CC2D1A: variants seen among roughly 807,000 people sequenced by gnomAD.
CC2D1A encodes coiled-coil and C2 domain-containing protein 1A.
In CC2D1A, 68 loss-of-function variants were observed where a neutral mutation model predicts 123.8. The observed-to-expected ratio is 0.55, with a 90% CI of 0.45 to 0.67. The LOEUF is 0.67. Among genes scored for constraint, CC2D1A ranks in the 30% least tolerant of loss-of-function variants. CC2D1A has a pLI of 0.00. For synonymous variants in CC2D1A, 477 were observed against 528.0 expected (o/e 0.90, Z 1.32); for missense variants, 1,185 against 1,290.3 (o/e 0.92, Z 1.25).
chr19:13,915,899 A>G (rs188727990), intron 6 of CC2D1A, among the ~76,000 whole-genome samples: 7 of 152,292 alleles, frequency 4.6e-5, no homozygotes, highest in Admixed American at 1.3e-4. Flanking sequence ...CCCAGCTCCA[A>G]TTATGTCAGC....
chr19:13,921,677 C>T (rs1409612518), intron 14 of CC2D1A, among the ~76,000 whole-genome samples: 1 of 152,156 alleles, frequency 6.6e-6, no homozygotes, highest in African/African-American at 2.4e-5. Flanking sequence ...TACATTTAGC[C>T]TCAGAGGAGC....
chr19:13,924,321 C>T (rs1378658562), intron 17 of CC2D1A, among the ~76,000 whole-genome samples: 4 of 152,082 alleles, frequency 2.6e-5, no homozygotes, highest in African/African-American at 7.2e-5. Flanking sequence ...CAGCCGCCCA[C>T]CACCACGCCT....
At position 13,923,168 on chromosome 19, in the gene CC2D1A, G is replaced by A. The variant is rs1353257130; in HGVS notation, c.1642-165G>A. ...AGATCCCGCCATTGCACTCCAGCCTGGGCAACAGAGCGAGACTCCATCTCA... is the reference window on the plus strand; with the variant it reads ...AGATCCCGCCATTGCACTCCAGCCTAGGCAACAGAGCGAGACTCCATCTCA... On this transcript the variant is annotated intron_variant, in intron 14 of 28. Coordinates refer to ENST00000318003, the MANE Select transcript of CC2D1A (RefSeq NM_017721.5). The surrounding 1 kb of genome is among the most constrained non-coding windows in gnomAD (Gnocchi z 5.3). 2.6e-5 allele frequency among the ~76,000 whole-genome samples: 4 copies of A among 151,916 alleles called. No individual in the cohort carries two copies. The highest frequency in any genetic ancestry group is 2.6e-4 in the Admixed American group (4 of 15,238).
At position 13,906,543 on chromosome 19, in the gene CC2D1A, AC is replaced by A; in HGVS notation, c.60+47del. 3 of 1,328,336 alleles carry A rather than the reference AC, an allele frequency of 2.3e-6. No individual in the cohort carries two copies. Among genetic ancestry groups the A allele is most frequent in the Non-Finnish European group, 2.0e-6 (2 of 1,012,380 alleles). 82.3% of individuals were successfully genotyped at this position (1,328,336 alleles called of 1,614,324 possible). Reference sequence around the variant, plus strand: ...CGGCCCGACCTGGGGATCCCTCCCCACCCCCGTCACTCGCTCAGGGAAGGGC... The same window carrying A: ...CGGCCCGACCTGGGGATCCCTCCCCACCCCGTCACTCGCTCAGGGAAGGGC... On this transcript the variant is annotated intron_variant, in intron 1 of 28. Transcript: ENST00000318003. This position sits in a 1 kb window ranked among gnomAD's most constrained non-coding sequence, Gnocchi z 4.1.
chr19:13,919,623 A>T (rs572911092), intron 11 of CC2D1A, 195 bp from the exon 12 acceptor site: 1 of 445,266 alleles, frequency 2.2e-6, no homozygotes, highest in Admixed American at 4.1e-5. Context: ...CTGCAGTCCC[A>T]CTCTAGATCA....
chr19:13,927,737 G>T (rs1971695158), intron 22 of CC2D1A, 156 bp from the exon 23 acceptor site: 1 of 756,388 alleles, frequency 1.3e-6, no homozygotes, highest in South Asian at 1.8e-5. Context: ...AGCCCAGATT[G>T]CACCACTGCA....
chr19:13,913,174 C>T lies in CC2D1A; in HGVS notation c.385C>T (p.Pro129Ser), dbSNP rs1451278628. 4 of 1,609,250 alleles carry T rather than the reference C, an allele frequency of 2.5e-6. No homozygotes were observed. The highest frequency in any genetic ancestry group is 1.7e-5 in the Admixed American group (1 of 59,108). Residue 129 changes from proline to serine, a missense_variant, in exon 5 of 29, where the codon CCT (proline) becomes TCT (serine). Pro to Ser is a moderately conservative substitution (Grantham distance 74, BLOSUM62 -1). Coordinates refer to ENST00000318003, the MANE Select transcript of CC2D1A (RefSeq NM_017721.5). ...ETPPPVAQPK[P>S]EAPHPGLETT... ...TGCCCCTGCCCTCCCACAGCCGAAG[C>T]CTGAGGCCCCTCATCCGGGGCTGGA...
intron 1 of CC2D1A, 190 bp from the exon 2 acceptor site, chr19:13,909,633 G>A (rs1970921681): frequency 5.5e-6 from 4 of 731,318 alleles, no homozygotes; most frequent in East Asian, 2.7e-5. Flanking sequence ...AGGTTGAACT[G>A]TGCCAGAGGG....
At position 13,918,768 on chromosome 19, in the gene CC2D1A, G is replaced by A. The variant is rs1038583292; in HGVS notation, c.969G>A (p.Pro323=). The change falls in exon 9 of 29, where the codon CCG becomes CCA. Residue 323 remains proline (P), a synonymous_variant. Coordinates refer to ENST00000318003, the MANE Select transcript of CC2D1A (RefSeq NM_017721.5). ...CAGACCAGCTGCCCCCAGACCCACCGTCACCACCGTCGCAGCCTCCGACCC... is the reference window on the plus strand; with the variant it reads ...CAGACCAGCTGCCCCCAGACCCACCATCACCACCGTCGCAGCCTCCGACCC... ...PPPDQLPPDP[P]SPPSQPPTPA... is the part of the protein sequence containing the mutation. The A allele has an allele frequency of 8.1e-6, 13 of 1,612,912 alleles. No homozygotes were observed. Among genetic ancestry groups the A allele is most frequent in the Non-Finnish European group, 1.0e-5 (12 of 1,179,570 alleles).
intron 1 of CC2D1A, among the ~76,000 whole-genome samples, chr19:13,908,866 C>T (rs1970890134): frequency 6.6e-6 from 1 of 151,908 alleles, no homozygotes; most frequent in Non-Finnish European, 1.5e-5. Context: ...TCCCTCGCTT[C>T]CTTCTTTTTT....
chr19:13,929,117 C>T lies in CC2D1A; in HGVS notation c.2520-262C>T, dbSNP rs190527174. ...CTCCCAGGTTCAAGCAATTCTTCTG[C>T]CTCAGCCTCCCAAGTAGCTGGGACT... On this transcript the variant is annotated intron_variant, in intron 24 of 28. Coordinates refer to ENST00000318003, the MANE Select transcript of CC2D1A (RefSeq NM_017721.5). Among the ~76,000 whole-genome samples, 981 of 151,794 alleles carry T rather than the reference C, an allele frequency of 6.5e-3. 10 individuals carry two copies. The highest frequency in any genetic ancestry group is 0.023 in the African/African-American group (933 of 41,350).
chr19:13,913,109 G>T, intron 4 of CC2D1A, 59 bp from the exon 5 acceptor site: 1 of 1,497,980 alleles, frequency 6.7e-7, no homozygotes, highest in Non-Finnish European at 8.9e-7. Flanking sequence ...TGCAGAAGGG[G>T]CTAACAGGGG....
rs745438832 is a variant in CC2D1A, at chr19:13,923,689, C to T, written c.1824-6C>T. 3.0e-5 allele frequency: 49 copies of T among 1,613,654 alleles called. No individual in the cohort carries two copies. Among genetic ancestry groups the T allele is most frequent in the East Asian group, 2.2e-4 (10 of 44,902 alleles). On this transcript the variant is annotated splice_polypyrimidine_tract_variant and splice_region_variant and intron_variant, in intron 16 of 28. Coordinates refer to ENST00000318003, the MANE Select transcript of CC2D1A (RefSeq NM_017721.5). This position sits in a 1 kb window ranked among gnomAD's most constrained non-coding sequence, Gnocchi z 5.3. ...AGGGACATGAGCAGGGCCCTCCCACCGGCAGGTTTGAAAAGTTGGCGGAGG... is the reference window on the plus strand; with the variant it reads ...AGGGACATGAGCAGGGCCCTCCCACTGGCAGGTTTGAAAAGTTGGCGGAGG...
chr19:13,910,510 T>C (rs1953869134), intron 2 of CC2D1A, among the ~76,000 whole-genome samples: 1 of 151,680 alleles, frequency 6.6e-6, no homozygotes, highest in African/African-American at 2.4e-5. Context: ...AGTCACATCA[T>C]GTGCTTTGGC....
In CC2D1A at chr19:13,918,788, C is replaced by T. The variant is rs1318690150; in HGVS notation, c.989C>T (p.Pro330Leu). ...CCACCGTCACCACCGTCGCAGCCTC[C>T]GACCCCCGCTACGGCGCCCTCCACA... ...PDPPSPPSQPPTPATAPSTTE... is the reference protein window; with the variant it reads ...PDPPSPPSQPLTPATAPSTTE... Residue 330 changes from proline (P) to leucine (L), a missense_variant, in exon 9 of 29, where the codon CCG becomes CTG. Transcript: ENST00000318003. The T allele has an allele frequency of 5.6e-6, 9 of 1,613,398 alleles. No individual in the cohort carries two copies. Among genetic ancestry groups the T allele is most frequent in the Admixed American group, 1.7e-5 (1 of 59,956 alleles).
chr19:13,926,979 G>A lies in CC2D1A; in HGVS notation c.2127G>A (p.Glu709=), dbSNP rs1232479298. The change falls in exon 21 of 29, where the codon GAG becomes GAA. Residue 709 remains glutamate, a splice_region_variant and synonymous_variant. Transcript: ENST00000318003. ...TCCTCTCCCTCCTTCCTCCTGCAGA[G>A]TTCAAGGAGCAGTTCAAACTCTGCA... ...TSVIKNTDSP[E]FKEQFKLCIN... 4 of 1,614,074 alleles carry A rather than the reference G, an allele frequency of 2.5e-6. No homozygotes were observed. Among genetic ancestry groups the A allele is most frequent in the Non-Finnish European group, 8.5e-7 (1 of 1,179,976 alleles).
Position 13,913,387 on chromosome 19 carries a change from C to A in CC2D1A, c.514-17C>A. ...GCTCTTGGCTTCTCCCAAACCAATA[C>A]TCACGCCTTATCTTAGACACTGGAA... On this transcript the variant is annotated splice_polypyrimidine_tract_variant and intron_variant, in intron 5 of 28. Coordinates refer to ENST00000318003, the MANE Select transcript of CC2D1A (RefSeq NM_017721.5). 1 of 1,612,482 alleles carries A rather than the reference C, an allele frequency of 6.2e-7. No individual in the cohort carries two copies. The highest frequency in any genetic ancestry group is 8.5e-7 in the Non-Finnish European group (1 of 1,178,992).
chr19:13,906,340 T>A lies in CC2D1A; in HGVS notation c.-102T>A. On this transcript the variant is annotated 5_prime_UTR_variant, in exon 1 of 29. Coordinates refer to ENST00000318003, the MANE Select transcript of CC2D1A (RefSeq NM_017721.5). The surrounding 1 kb of genome is among the most constrained non-coding windows in gnomAD (Gnocchi z 4.1). Reference sequence around the variant, plus strand: ...ACGGCCGCGGGGCGCCGACGAGGAGTGCAGGACTCAGGAAGGGCGAGTGCG... The same window carrying A: ...ACGGCCGCGGGGCGCCGACGAGGAGAGCAGGACTCAGGAAGGGCGAGTGCG... The A allele has an allele frequency of 1.0e-6, 1 of 957,160 alleles. No homozygotes were observed. The highest frequency in any genetic ancestry group is 1.8e-5 in the South Asian group (1 of 57,030). The allele number at this position is 957,160 out of a possible 1,614,324, so 59.3% of individuals were successfully genotyped here.
In CC2D1A at chr19:13,912,339, G is replaced by A; in HGVS notation, c.213G>A (p.Glu71=). Reference sequence around the variant, plus strand: ...TACCGCCAGGTCCCTTGCCGATGGAGGCCATTGAGAAGATGGCCAGCCTGT... The same window carrying A: ...TACCGCCAGGTCCCTTGCCGATGGAAGCCATTGAGAAGATGGCCAGCCTGT... The part of the protein sequence containing the change: ...KLKGKGPLPM[E]AIEKMASLCM... Residue 71 remains glutamate, a synonymous_variant, in exon 3 of 29, where the codon GAG becomes GAA. Coordinates refer to ENST00000318003, the MANE Select transcript of CC2D1A (RefSeq NM_017721.5). 6.2e-7 allele frequency: 1 copy of A among 1,608,484 alleles called. No homozygotes were observed. The highest frequency in any genetic ancestry group is 1.3e-5 in the African/African-American group (1 of 74,896).
Sources: allele counts gnomAD v4.1 joint callset (sites outside exome capture counted in the v4.1 genomes callset), GRCh38; gene constraint gnomAD v4.1.1; non-coding constraint Gnocchi (gnomAD v3.1); transcripts MANE v1.5; gene names NCBI Gene and HGNC (gene_info 2026-07-23, HGNC 2026-07-21).